The following NIN variants were observed in gnomAD, a reference collection of about 807,000 sequenced individuals.
NIN encodes the protein ninein.
In NIN, 137 loss-of-function variants were observed where a neutral mutation model predicts 257.6. The ratio of observed to expected loss-of-function variants is 0.53; its 90% CI spans 0.46 to 0.61. NIN has a LOEUF of 0.61. Among genes scored for constraint, NIN ranks in the 20% least tolerant of loss-of-function variants. The probability of loss-of-function intolerance (pLI) is 0.00; values close to 1 mark genes in which losing one functional copy is unlikely to be tolerated. For missense variants in NIN, 2,439 were observed against 2,501.2 expected, an observed-to-expected ratio of 0.98 and a Z score of 0.53; for synonymous variants, 918 against 919.8, an observed-to-expected ratio of 1.00 and a Z score of 0.04.
chr14:50,802,892 A>G (rs1441243388), intron 4 of NIN, among the ~76,000 whole-genome samples: 1 of 152,184 alleles, frequency 6.6e-6, no homozygotes, highest in Non-Finnish European at 1.5e-5. Flanking sequence ...TTATATTTTA[A>G]TTTATAAAAA....
At position 50,735,628 on chromosome 14, in the gene NIN, A is replaced by AG; in HGVS notation, c.5776-12_5776-11insC. 6.2e-7 allele frequency: 1 copy of AG among 1,603,778 alleles called. No homozygotes were observed. Among genetic ancestry groups the AG allele is most frequent in the African/African-American group, 1.3e-5 (1 of 74,796 alleles). The stretch of plus-strand genomic sequence containing the variant: ...ATTCATCTGACTGACCTGTTTAAAA[A>AG]AAACAAAATATTCCCTTGAAACAGA... On this transcript the variant is annotated splice_polypyrimidine_tract_variant and intron_variant, in intron 27 of 30. Coordinates refer to ENST00000530997, the MANE Select transcript of NIN (RefSeq NM_020921.4).
intron 21 of NIN, 59 bp downstream of exon 21, chr14:50,752,459 A>G: frequency 1.5e-6 from 2 of 1,293,226 alleles, no homozygotes; most frequent in East Asian, 2.3e-5. Flanking sequence ...TAATACAAAC[A>G]TTTCTTCTAT....
In NIN at chr14:50,760,058, T is replaced by C; in HGVS notation, c.2198A>G (p.Gln733Arg). 1 of 1,614,182 alleles carries C rather than the reference T, an allele frequency of 6.2e-7. No homozygotes were observed. Among genetic ancestry groups the C allele is most frequent in the Non-Finnish European group, 8.5e-7 (1 of 1,180,010 alleles). The change falls in exon 17 of 31, where the codon CAG becomes CGG. Residue 733 changes from glutamine to arginine, a missense_variant. Coordinates refer to ENST00000530997, the MANE Select transcript of NIN (RefSeq NM_020921.4). ...CTCCCGCTCAAAGCTTGCTTGAGCC[T>C]GTGTCAGTCTAGCCTTGAGCTCCAT... Reference protein sequence around the residue: ...HEMELKARLTQAQASFERERE... With the variant: ...HEMELKARLTRAQASFERERE...
At chr14:50,755,996 T>C (rs1335708578) in intron 18 of NIN, among the ~76,000 whole-genome samples, 1 of 152,154 alleles carries the variant, frequency 6.6e-6, no homozygotes, top group African/African-American at 2.4e-5. Flanking sequence ...GTTATCAGCA[T>C]GTGCTTCAAG....
chr14:50,763,330 G>A (rs2042344988), intron 15 of NIN, among the ~76,000 whole-genome samples: 1 of 152,100 alleles, frequency 6.6e-6, no homozygotes, highest in Non-Finnish European at 1.5e-5. Context: ...AGGCCAGGAG[G>A]CCAGCCCTTA....
chr14:50,794,067 T>A (rs1434875998), intron 4 of NIN, among the ~76,000 whole-genome samples: 1 of 152,220 alleles, frequency 6.6e-6, no homozygotes, highest in Non-Finnish European at 1.5e-5. Context: ...AATAGTTGAT[T>A]AGATAAGAAC....
At chr14:50,796,918 C>T (rs544357455) in intron 4 of NIN, among the ~76,000 whole-genome samples, 26 of 152,326 alleles carry the variant, frequency 1.7e-4, no homozygotes, top group African/African-American at 6.0e-4. Context: ...AAATGCTCAG[C>T]TCTCCTAAAA....
At chr14:50,773,918 C>T (rs2042825781) in intron 7 of NIN, among the ~76,000 whole-genome samples, 1 of 152,186 alleles carries the variant, frequency 6.6e-6, no homozygotes, top group South Asian at 2.1e-4. Context: ...CAACGTGGAT[C>T]ATTGAAGCCA....
In NIN at chr14:50,729,592, C is replaced by T; in HGVS notation, c.6009G>A (p.Gln2003=). ...GCAGGTGCTGGTTTATCCTTTCTGC[C>T]TGCAGCAGCTGGCGTTGAAGCTGCA... ...QFLQLQRQLL[Q]AERINQHLQE... is the part of the protein sequence containing the mutation. The change falls in exon 29 of 31, where the codon CAG becomes CAA. Residue 2003 remains glutamine, a synonymous_variant. Coordinates refer to ENST00000530997, the MANE Select transcript of NIN (RefSeq NM_020921.4). The T allele has an allele frequency of 6.2e-7, 1 of 1,614,052 alleles. No individual in the cohort carries two copies. Among genetic ancestry groups the T allele is most frequent in the Non-Finnish European group, 8.5e-7 (1 of 1,179,998 alleles).
In NIN at chr14:50,768,992, A is replaced by C. The variant is rs1008718962; in HGVS notation, c.1434+1396T>G. On this transcript the variant is annotated intron_variant, in intron 12 of 30. Coordinates refer to ENST00000530997, the MANE Select transcript of NIN (RefSeq NM_020921.4). ...CGAGGAATTTTAGCTTCTGAGACTT[A>C]CACCTCATGGTGTTGATGTTGATTG... 2.0e-5 allele frequency among the ~76,000 whole-genome samples: 3 copies of C among 152,196 alleles called. No homozygotes were observed. The East Asian group carries it at 5.8e-4, about 29-fold the overall frequency.
chr14:50,767,481 T>C (rs2042535077), intron 12 of NIN, among the ~76,000 whole-genome samples: 1 of 152,170 alleles, frequency 6.6e-6, no homozygotes, highest in Non-Finnish European at 1.5e-5. Flanking sequence ...AAATACCTTG[T>C]TCAGCTGCCA....
At chr14:50,736,474 G>A (rs985751480) in intron 27 of NIN, among the ~76,000 whole-genome samples, 5 of 152,096 alleles carry the variant, frequency 3.3e-5, no homozygotes, top group African/African-American at 1.2e-4. Context: ...AGAACCTAGT[G>A]AGCTAGAGGA....
At position 50,723,182 on chromosome 14, in the gene NIN, G is replaced by A. The variant is rs1595682984; in HGVS notation, c.*281C>T. On this transcript the variant is annotated 3_prime_UTR_variant, in exon 31 of 31. Transcript: ENST00000530997. ...AACCACAAAAACTCATTCAAAACTG[G>A]TATTTTTTAGGTTCTTGAATTTTCA... is the stretch of plus-strand genomic sequence containing the variant. 3.3e-6 allele frequency: 1 copy of A among 303,296 alleles called. No individual in the cohort carries two copies. The highest frequency in any genetic ancestry group is 6.0e-6 in the Non-Finnish European group (1 of 166,080). 18.8% of individuals were successfully genotyped at this position (303,296 alleles called of 1,614,324 possible).
chr14:50,793,844 T>G (rs920469354), intron 4 of NIN, among the ~76,000 whole-genome samples: 1 of 152,220 alleles, frequency 6.6e-6, no homozygotes, highest in African/African-American at 2.4e-5. Flanking sequence ...CAGCTATAGA[T>G]TTTTTAGCAC....
intron 24 of NIN, chr14:50,742,077 G>A (rs150022724): frequency 1.6e-4 from 30 of 186,936 alleles, no homozygotes; most frequent in African/African-American, 6.3e-4. Flanking sequence ...ATGTTGGACT[G>A]TAAAGGACCC....
chr14:50,791,988 A>G (rs766115948), intron 5 of NIN: 5 of 152,240 alleles, frequency 3.3e-5, no homozygotes, highest in Non-Finnish European at 7.3e-5. Context: ...TGGCATTTTC[A>G]ATCATGTTCT....
chr14:50,784,059 G>T (rs2065079), intron 5 of NIN, among the ~76,000 whole-genome samples: 127,186 of 152,230 alleles, frequency 0.84, 56,222 homozygotes, highest in East Asian at 1. Flanking sequence ...ATTGGAGAAA[G>T]AATGGATATT....
intron 29 of NIN, chr14:50,727,617 G>T: frequency 6.9e-7 from 1 of 1,440,118 alleles, no homozygotes; most frequent in Non-Finnish European, 9.4e-7. Flanking sequence ...CTCTGTGTGT[G>T]GTGTGTGTGC....
chr14:50,812,463 G>A (rs948122144), intron 3 of NIN, among the ~76,000 whole-genome samples: 5 of 152,176 alleles, frequency 3.3e-5, no homozygotes, highest in African/African-American at 1.2e-4. Flanking sequence ...GTATAAGGCA[G>A]GATCAGGAGA....
Sources: allele counts gnomAD v4.1 joint callset (sites outside exome capture counted in the v4.1 genomes callset), GRCh38; gene constraint gnomAD v4.1.1; transcripts MANE v1.5; gene names NCBI Gene and HGNC (gene_info 2026-07-23, HGNC 2026-07-21).